Variants in PCDH11X observed in about 807,000 individuals in gnomAD.
The protein encoded by PCDH11X is protocadherin-11 X-linked.
PCDH11X carries 18 observed loss-of-function variants against 53.3 expected under a neutral mutation model. The observed-to-expected ratio is 0.34, with a 90% CI of 0.23 to 0.50. The LOEUF (loss-of-function observed/expected upper bound fraction) is 0.50, where lower values mean the gene tolerates loss of function less well. PCDH11X is among the 20% of genes least tolerant of loss of function. PCDH11X has a pLI of 0.98. For synonymous variants in PCDH11X, 279 were observed against 393.3 expected, an observed-to-expected ratio of 0.71 and a Z score of 3.44; for missense variants, 570 against 1,032.4, an observed-to-expected ratio of 0.55 and a Z score of 6.14.
intron 4 of PCDH11X, among the ~76,000 whole-genome samples, chrX:91,824,453 C>T (rs988536600): frequency 9.0e-6 from 1 of 111,253 alleles, no homozygotes; most frequent in African/African-American, 3.3e-5. Context: ...ACCCTTTCTT[C>T]CAGTTGATCG....
intron 1 of PCDH11X, among the ~76,000 whole-genome samples, chrX:91,795,943 C>T (rs1424230222): frequency 9.0e-6 from 1 of 111,372 alleles, no homozygotes; most frequent in Non-Finnish European, 1.9e-5. Flanking sequence ...AAATATTTGC[C>T]CCATTTCAAA....
intron 10 of PCDH11X, among the ~76,000 whole-genome samples, chrX:92,545,404 T>G (rs1363114316): frequency 2.9e-4 from 26 of 89,712 alleles, no homozygotes; most frequent in African/African-American, 1.1e-3. Flanking sequence ...TTTTTTTTTT[T>G]TTTTTTTTTG....
intron 1 of PCDH11X, among the ~76,000 whole-genome samples, chrX:91,787,768 G>A (rs1308601959): frequency 1.8e-5 from 2 of 109,010 alleles, no homozygotes; most frequent in Non-Finnish European, 1.9e-5. Context: ...AAATGTTAAG[G>A]GTGGCCCTTA....
intron 1 of PCDH11X, among the ~76,000 whole-genome samples, chrX:91,791,923 G>T (rs1246252415): frequency 9.8e-6 from 1 of 101,961 alleles, no homozygotes; most frequent in Admixed American, 1.1e-4. Flanking sequence ...GTGCAGTGGC[G>T]CAATCTCGGC....
At chrX:92,514,119 G>T (rs987788176) in intron 10 of PCDH11X, among the ~76,000 whole-genome samples, 3 of 111,340 alleles carry the variant, frequency 2.7e-5, no homozygotes, top group Non-Finnish European at 5.6e-5. Context: ...TCATCAGTTT[G>T]CCTTGTTTCT....
chrX:91,825,256 G>T (rs769353597), intron 4 of PCDH11X, among the ~76,000 whole-genome samples: 1 of 109,394 alleles, frequency 9.1e-6, no homozygotes, highest in African/African-American at 3.5e-5. Flanking sequence ...GGGCAATGGC[G>T]GGTGCCCCTC....
At chrX:92,063,435 T>C (rs2063556247) in intron 6 of PCDH11X, among the ~76,000 whole-genome samples, 1 of 111,408 alleles carries the variant, frequency 9.0e-6, no homozygotes. Flanking sequence ...AAAACAGACA[T>C]TTCATGTATC....
intron 6 of PCDH11X, among the ~76,000 whole-genome samples, chrX:92,117,720 C>A (rs1438538944): frequency 4.5e-5 from 5 of 111,695 alleles, no homozygotes; most frequent in Non-Finnish European, 9.4e-5. Context: ...GAGCTATATT[C>A]AATTTCACAG....
chrX:92,228,044 T>A (rs1423611933), intron 7 of PCDH11X, among the ~76,000 whole-genome samples: 1 of 111,472 alleles, frequency 9.0e-6, no homozygotes, highest in Non-Finnish European at 1.9e-5. Flanking sequence ...AGATCATCAA[T>A]TCCTTCAAGT....
In PCDH11X at chrX:92,329,143, A is replaced by G. The variant is rs182380071; in HGVS notation, c.3145-58592A>G. 5.8e-3 allele frequency among the ~76,000 whole-genome samples: 653 copies of G among 111,751 alleles called. 5 individuals are homozygous for G. Among genetic ancestry groups the G allele is most frequent in the African/African-American group, 0.02 (613 of 30,858 alleles). On this transcript the variant is annotated intron_variant, in intron 8 of 10. Transcript: ENST00000682573. The stretch of plus-strand genomic sequence containing the variant: ...AGATTTGTTTAACATTCAAAAATCT[A>G]TCAGTGCAATTCATGATATTAACAG...
chrX:92,200,698 A>G (rs1171713477), intron 6 of PCDH11X, among the ~76,000 whole-genome samples: 1 of 111,259 alleles, frequency 9.0e-6, no homozygotes, highest in Non-Finnish European at 1.9e-5. Context: ...CATTTATTAC[A>G]TCTATTAAAT....
At chrX:92,315,244 AT>A (rs1278878148) in intron 8 of PCDH11X, among the ~76,000 whole-genome samples, 1 of 112,238 alleles carries the variant, frequency 8.9e-6, no homozygotes, top group Non-Finnish European at 1.9e-5. Context: ...AACATGTGCT[AT>A]TTACTCCTGC....
chrX:92,320,208 T>C (rs4021169), intron 8 of PCDH11X, among the ~76,000 whole-genome samples: 13,949 of 111,175 alleles, frequency 0.13, 1,389 homozygotes, highest in East Asian at 0.64. Context: ...GGCAATCGGC[T>C]AGTGAGAAAA....
chrX:92,147,190 T>C (rs2065281353), intron 6 of PCDH11X, among the ~76,000 whole-genome samples: 1 of 108,713 alleles, frequency 9.2e-6, no homozygotes, highest in African/African-American at 3.5e-5. Flanking sequence ...TTCAAACCGT[T>C]AGCAGAAACA....
At chrX:92,451,848 TA>T in intron 9 of PCDH11X, among the ~76,000 whole-genome samples, 1 of 111,014 alleles carries the variant, frequency 9.0e-6, no homozygotes. Context: ...CTCCCTAGAC[TA>T]AATTCTGTGT....
chrX:92,232,633 A>G (rs972408344), intron 7 of PCDH11X, among the ~76,000 whole-genome samples: 1 of 112,396 alleles, frequency 8.9e-6, no homozygotes, highest in Non-Finnish European at 1.9e-5. Context: ...GACATAGACA[A>G]TAAATCTAAA....
At chrX:92,274,156 G>T in intron 8 of PCDH11X, among the ~76,000 whole-genome samples, 1 of 107,197 alleles carries the variant, frequency 9.3e-6, no homozygotes, top group Non-Finnish European at 1.9e-5. Flanking sequence ...CTATACAGGA[G>T]CTTAAATTGG....
At chrX:91,966,543 G>A (rs1050215462) in intron 6 of PCDH11X, among the ~76,000 whole-genome samples, 1 of 109,696 alleles carries the variant, frequency 9.1e-6, no homozygotes, top group Non-Finnish European at 1.9e-5. Flanking sequence ...AATGCCTAAT[G>A]TAAATGACGA....
rs1307911078 is a variant in PCDH11X at position 91,797,765 on chromosome X, A to G, written c.-378-11701A>G. ...TATATTTCTACTTAAGACAATTAAA[A>G]TGCAGCAATTCCTTATTCTTTAATC... On this transcript the variant is annotated intron_variant, in intron 1 of 10. Transcript: ENST00000682573. Among the ~76,000 whole-genome samples, 7 of 108,923 alleles carry G rather than the reference A, an allele frequency of 6.4e-5. No individual in the cohort carries two copies. The Admixed American group carries it at 6.9e-4, about 11-fold the overall frequency. The allele number at this position is 108,923 out of a possible 115,157, so 94.6% of individuals were successfully genotyped here.
Sources: gnomAD v4.1 joint callset for allele counts (sites outside exome capture counted in the v4.1 genomes callset) on GRCh38, gnomAD v4.1.1 for gene constraint, MANE v1.5 for transcripts, NCBI Gene and HGNC (gene_info 2026-07-23, HGNC 2026-07-21) for gene names.